OXR1: variants seen among roughly 807,000 people sequenced by gnomAD.
OXR1 encodes oxidation resistance protein 1.
A neutral mutation model predicts 104.6 loss-of-function variants in OXR1; 41 were observed. The observed-to-expected ratio is 0.39, with a 90% confidence interval of 0.31 to 0.51. The LOEUF (loss-of-function observed/expected upper bound fraction) is 0.51. Among genes scored for constraint, OXR1 ranks in the 20% least tolerant of loss-of-function variants. OXR1 has a pLI of 0.77. For synonymous variants in OXR1, 348 were observed against 348.4 expected, an observed-to-expected ratio of 1.00 and a Z score of 0.01; for missense variants, 955 against 1,031.9, an observed-to-expected ratio of 0.93 and a Z score of 1.02.
intron 11 of OXR1, among the ~76,000 whole-genome samples, chr8:106,722,068 C>G (rs1832869389): frequency 6.6e-6 from 1 of 152,146 alleles, no homozygotes; most frequent in Non-Finnish European, 1.5e-5. Context: ...TGGTTAATAT[C>G]TTATTTCCTA....
intron 11 of OXR1, among the ~76,000 whole-genome samples, chr8:106,733,715 A>C (rs1490827055): frequency 6.6e-6 from 1 of 151,480 alleles, no homozygotes; most frequent in African/African-American, 2.4e-5. Flanking sequence ...AGTCCCAGCT[A>C]CTTGGGAGAC....
At chr8:106,367,119 G>A (rs1241490249) in intron 2 of OXR1, among the ~76,000 whole-genome samples, 1 of 148,474 alleles carries the variant, frequency 6.7e-6, no homozygotes, top group African/African-American at 2.5e-5. Context: ...CTGGGGTGCA[G>A]TGGTGCGATC....
chr8:106,590,582 G>A (rs188388464), intron 3 of OXR1, among the ~76,000 whole-genome samples: 14 of 152,296 alleles, frequency 9.2e-5, no homozygotes, highest in African/African-American at 2.4e-4. Flanking sequence ...CACCGTGCCC[G>A]GCCAGCAATA....
chr8:106,372,617 T>G (rs1816756872), intron 2 of OXR1, among the ~76,000 whole-genome samples: 1 of 151,922 alleles, frequency 6.6e-6, no homozygotes, highest in African/African-American at 2.4e-5. Context: ...CAAAACAGAG[T>G]CAAAACCATT....
At chr8:106,380,047 T>G (rs1586585604) in intron 2 of OXR1, among the ~76,000 whole-genome samples, 1 of 152,254 alleles carries the variant, frequency 6.6e-6, no homozygotes, top group East Asian at 1.9e-4. Flanking sequence ...TTAAAATATT[T>G]TCATCACCCT....
intron 11 of OXR1, among the ~76,000 whole-genome samples, chr8:106,729,279 G>A (rs1833638152): frequency 6.6e-6 from 1 of 152,000 alleles, no homozygotes; most frequent in Admixed American, 6.6e-5. Context: ...TAGGCATTCT[G>A]GCTCTAGCTG....
intron 2 of OXR1, among the ~76,000 whole-genome samples, chr8:106,452,771 T>A (rs1346616046): frequency 6.6e-6 from 1 of 152,166 alleles, no homozygotes; most frequent in African/African-American, 2.4e-5. Context: ...TGAAAATTCT[T>A]CCCAGGATTC....
chr8:106,686,404 C>A (rs1828728619), intron 6 of OXR1, among the ~76,000 whole-genome samples: 1 of 151,268 alleles, frequency 6.6e-6, no homozygotes, highest in Non-Finnish European at 1.5e-5. Flanking sequence ...ATTCTTACAA[C>A]AGTTGATTGT....
chr8:106,282,484 C>T (rs1417911763), intron 1 of OXR1, among the ~76,000 whole-genome samples: 3 of 152,130 alleles, frequency 2.0e-5, no homozygotes, highest in African/African-American at 7.2e-5. Context: ...ACACATATAA[C>T]ATTCGACCCC....
chr8:106,570,368 T>C (rs1321839940), intron 3 of OXR1, among the ~76,000 whole-genome samples: 1 of 152,182 alleles, frequency 6.6e-6, no homozygotes, highest in East Asian at 1.9e-4. Context: ...GATCAAATGA[T>C]GATTACCAAG....
chr8:106,410,105 T>C (rs1818403627), intron 2 of OXR1, among the ~76,000 whole-genome samples: 1 of 152,134 alleles, frequency 6.6e-6, no homozygotes. Flanking sequence ...AATAACAATC[T>C]GAGGTTAGAA....
intron 3 of OXR1, among the ~76,000 whole-genome samples, chr8:106,662,864 GAT>G (rs1340697178): frequency 2.6e-5 from 4 of 151,684 alleles, no homozygotes; most frequent in African/African-American, 9.7e-5. Flanking sequence ...TGATGATGAT[GAT>G]GATGATGATG....
chr8:106,280,106 G>C (rs1332084270), intron 1 of OXR1, among the ~76,000 whole-genome samples: 1 of 152,164 alleles, frequency 6.6e-6, no homozygotes, highest in Non-Finnish European at 1.5e-5. Context: ...AAATGATAAT[G>C]TGCCTGCTGG....
chr8:106,709,259 T>A (rs560288207), intron 9 of OXR1, among the ~76,000 whole-genome samples: 31 of 152,158 alleles, frequency 2.0e-4, no homozygotes, highest in Non-Finnish European at 3.4e-4. Context: ...ACTATACTGT[T>A]GTATCCTGCT....
intron 4 of OXR1, among the ~76,000 whole-genome samples, chr8:106,680,361 A>G (rs1828028171): frequency 1.3e-5 from 2 of 152,126 alleles, no homozygotes; most frequent in African/African-American, 2.4e-5. Context: ...CAGTGCCAAT[A>G]TGAAAAATTT....
chr8:106,679,286 G>A lies in OXR1; in HGVS notation c.297G>A (p.Glu99=), dbSNP rs748651567. The part of the protein sequence containing the change: ...MSFQKPKGTI[E]YTVESRDSLN... Reference sequence around the variant, plus strand: ...TTCAGAAACCTAAAGGGACTATTGAGTATACTGTAAGTTATTTGCTTTCGA... The same window carrying A: ...TTCAGAAACCTAAAGGGACTATTGAATATACTGTAAGTTATTTGCTTTCGA... The change falls in exon 4 of 17, where the codon GAG becomes GAA. Residue 99 remains glutamate, a synonymous_variant. Coordinates refer to ENST00000517566, the MANE Select transcript of OXR1 (RefSeq NM_001198533.2). The A allele has an allele frequency of 1.3e-6, 2 of 1,552,180 alleles. No individual in the cohort carries two copies. Among genetic ancestry groups the A allele is most frequent in the South Asian group, 1.1e-5 (1 of 87,622 alleles).
chr8:106,409,448 A>T (rs1273298376), intron 2 of OXR1, among the ~76,000 whole-genome samples: 4 of 152,314 alleles, frequency 2.6e-5, no homozygotes, highest in African/African-American at 9.6e-5. Flanking sequence ...GAAGCAAACA[A>T]AAAACAGGAA....
At chr8:106,460,130 T>C (rs1355455795) in intron 2 of OXR1, among the ~76,000 whole-genome samples, 1 of 152,188 alleles carries the variant, frequency 6.6e-6, no homozygotes, top group Non-Finnish European at 1.5e-5. Context: ...GAATTTCAGT[T>C]TGTCACTTGC....
At chr8:106,339,812 C>T (rs77600282) in intron 1 of OXR1, among the ~76,000 whole-genome samples, 10,054 of 151,796 alleles carry the variant, frequency 0.066, 349 homozygotes, top group Non-Finnish European at 0.072. Context: ...GGTACTACTG[C>T]TTTCTCCATT....
Sources: gnomAD v4.1 joint callset for allele counts (sites outside exome capture counted in the v4.1 genomes callset) on GRCh38, gnomAD v4.1.1 for gene constraint, MANE v1.5 for transcripts, NCBI Gene and HGNC (gene_info 2026-07-23, HGNC 2026-07-21) for gene names.